The following NTN4 variants were observed in gnomAD, a reference collection of about 807,000 sequenced individuals.
NTN4 encodes the protein netrin-4.
NTN4 carries 32 observed loss-of-function variants against 73.6 expected under a neutral mutation model. The observed-to-expected ratio is 0.44, with a 90% CI of 0.33 to 0.58. The LOEUF is 0.58. NTN4 is among the 20% of genes least tolerant of loss of function. NTN4 has a pLI of 0.04. For synonymous variants in NTN4, 258 were observed against 287.5 expected, an observed-to-expected ratio of 0.90 and a Z score of 1.04; for missense variants, 654 against 798.3, an observed-to-expected ratio of 0.82 and a Z score of 2.18.
chr12:95,766,765 C>T (rs2079023976), intron 2 of NTN4, among the ~76,000 whole-genome samples: 1 of 152,198 alleles, frequency 6.6e-6, no homozygotes, highest in Non-Finnish European at 1.5e-5. Context: ...AAGGGCTCTT[C>T]TCTTGTTTGG....
intron 3 of NTN4, among the ~76,000 whole-genome samples, chr12:95,724,605 T>C (rs1188002560): frequency 6.6e-6 from 1 of 152,202 alleles, no homozygotes; most frequent in Non-Finnish European, 1.5e-5. Context: ...AGCTATAGTT[T>C]GTTCAGCTGC....
intron 2 of NTN4, among the ~76,000 whole-genome samples, chr12:95,778,562 A>G (rs868013041): frequency 6.6e-6 from 1 of 152,248 alleles, no homozygotes. Context: ...GAAAATCTAG[A>G]AGAAGTGGAT....
chr12:95,675,845 A>G (rs539582339), intron 7 of NTN4, among the ~76,000 whole-genome samples: 32 of 152,288 alleles, frequency 2.1e-4, no homozygotes, highest in African/African-American at 6.5e-4. Context: ...CAGATTGGGT[A>G]AGGCTCTCCT....
At chr12:95,717,252 T>C (rs2036497347) in intron 3 of NTN4, among the ~76,000 whole-genome samples, 1 of 152,190 alleles carries the variant, frequency 6.6e-6, no homozygotes, top group African/African-American at 2.4e-5. Flanking sequence ...CTAAGGCCTA[T>C]ACGTAATATC....
intron 3 of NTN4, among the ~76,000 whole-genome samples, chr12:95,726,049 T>G (rs539307711): frequency 6.6e-6 from 1 of 152,200 alleles, no homozygotes; most frequent in South Asian, 2.1e-4. Flanking sequence ...TAACCCACCA[T>G]GTTTGTTTTT....
Position 95,784,188 on chromosome 12 carries a change from G to A in NTN4, c.585+2751C>T, listed in dbSNP as rs576751306. On this transcript the variant is annotated intron_variant, in intron 2 of 9. Transcript: ENST00000343702. Reference sequence around the variant, plus strand: ...CACACAATTTTCAAAGATGGAAATTGGTGACATGGAGTTGAAACTGCGAAA... The same window carrying A: ...CACACAATTTTCAAAGATGGAAATTAGTGACATGGAGTTGAAACTGCGAAA... Among the ~76,000 whole-genome samples, 3 of 152,220 alleles carry A rather than the reference G, an allele frequency of 2.0e-5. No individual in the cohort carries two copies. The South Asian group carries it at 6.2e-4, about 32-fold the overall frequency.
chr12:95,754,889 A>C (rs935209350), intron 2 of NTN4, among the ~76,000 whole-genome samples: 1 of 152,234 alleles, frequency 6.6e-6, no homozygotes, highest in Non-Finnish European at 1.5e-5. Flanking sequence ...ACGCGCATGA[A>C]AGTATTATAA....
chr12:95,762,860 C>G (rs1400870845), intron 2 of NTN4, among the ~76,000 whole-genome samples: 1 of 152,172 alleles, frequency 6.6e-6, no homozygotes, highest in East Asian at 1.9e-4. Context: ...GGCAAACAAA[C>G]TAACTCTCAT....
Position 95,713,275 on chromosome 12 carries a change from A to G in NTN4, c.928T>C (p.Leu310=). 6.2e-7 allele frequency: 1 copy of G among 1,613,528 alleles called. No homozygotes were observed. ...GCCTCCCATGGCCGGTCATTGTATA[A>G]CGGGGCACAGTGCTGGCAGTGGCTG... The part of the protein sequence containing the change: ...AGSHCQHCAP[L]YNDRPWEAAD... The change falls in exon 4 of 10, where the codon TTA becomes CTA. Residue 310 remains leucine, a synonymous_variant. Transcript: ENST00000343702.
Position 95,787,307 on chromosome 12 carries a change from G to A in NTN4, c.217C>T (p.Arg73Trp), listed in dbSNP as rs34114770. Reference protein sequence around the residue: ...FYSENTDLTCRQPKCDKCNAA... With the variant: ...FYSENTDLTCWQPKCDKCNAA... ...TTGCACTTGTCACATTTGGGCTGCC[G>A]ACAAGTCAGATCCGTGTTCTCACTG... is the stretch of plus-strand genomic sequence containing the variant. Residue 73 changes from arginine to tryptophan, a missense_variant, in exon 2 of 10, where the codon CGG (arginine) becomes TGG (tryptophan). Coordinates refer to ENST00000343702, the MANE Select transcript of NTN4 (RefSeq NM_021229.4). 7,596 of 1,614,210 alleles carry A rather than the reference G, an allele frequency of 4.7e-3. 36 individuals are homozygous for A. Among genetic ancestry groups the A allele is most frequent in the Admixed American group, 0.016 (951 of 60,030 alleles).
chr12:95,735,642 T>G (rs2078770220), intron 3 of NTN4, among the ~76,000 whole-genome samples: 1 of 152,210 alleles, frequency 6.6e-6, no homozygotes, highest in East Asian at 1.9e-4. Flanking sequence ...TTTACTTGGT[T>G]ATCCTGAACC....
At chr12:95,745,774 G>A (rs1317536822) in intron 2 of NTN4, among the ~76,000 whole-genome samples, 2 of 152,110 alleles carry the variant, frequency 1.3e-5, no homozygotes, top group African/African-American at 2.4e-5. Flanking sequence ...TTTTTCTTGG[G>A]ATGCAGTTCA....
At chr12:95,786,067 C>T (rs995509950) in intron 2 of NTN4, among the ~76,000 whole-genome samples, 2 of 152,170 alleles carry the variant, frequency 1.3e-5, no homozygotes, top group African/African-American at 4.8e-5. Flanking sequence ...CCAAAAATCA[C>T]CCCTAGTTGA....
intron 7 of NTN4, among the ~76,000 whole-genome samples, chr12:95,680,696 TA>T (rs1344910929): frequency 6.6e-6 from 1 of 152,180 alleles, no homozygotes; most frequent in Non-Finnish European, 1.5e-5. Context: ...CATAATCAGG[TA>T]AAAAATGTTT....
intron 7 of NTN4, among the ~76,000 whole-genome samples, chr12:95,678,331 G>A (rs577482434): frequency 7.3e-5 from 10 of 137,428 alleles, no homozygotes; most frequent in Non-Finnish European, 1.5e-4. Flanking sequence ...CTCTGCACAT[G>A]TATCCTAGAA....
At chr12:95,678,743 A>T (rs188042196) in intron 7 of NTN4, among the ~76,000 whole-genome samples, 53 of 152,258 alleles carry the variant, frequency 3.5e-4, no homozygotes, top group Admixed American at 6.5e-4. Flanking sequence ...TCAGTAAACA[A>T]GTTCAGCAAA....
At chr12:95,667,548 G>A (rs1310558941) in intron 8 of NTN4, among the ~76,000 whole-genome samples, 3 of 152,000 alleles carry the variant, frequency 2.0e-5, no homozygotes, top group East Asian at 1.9e-4. Context: ...TTTTATACAC[G>A]AGGAAGCAAG....
intron 3 of NTN4, among the ~76,000 whole-genome samples, chr12:95,737,583 T>C (rs2078787583): frequency 6.6e-6 from 1 of 152,196 alleles, no homozygotes; most frequent in Non-Finnish European, 1.5e-5. Context: ...AATCATGCCA[T>C]CCTCTCACTC....
intron 2 of NTN4, chr12:95,739,962 C>T (rs1282898448): frequency 1.3e-5 from 2 of 152,270 alleles, no homozygotes; most frequent in African/African-American, 2.4e-5. Context: ...AACTTTGAAG[C>T]TCTTCTGCTT....
Sources: allele counts gnomAD v4.1 joint callset (sites outside exome capture counted in the v4.1 genomes callset), GRCh38; gene constraint gnomAD v4.1.1; transcripts MANE v1.5; gene names NCBI Gene and HGNC (gene_info 2026-07-23, HGNC 2026-07-21).